CDCA7L: variants seen among roughly 807,000 people sequenced by gnomAD.
CDCA7L encodes the protein cell division cycle-associated 7-like protein.
CDCA7L carries 44 observed loss-of-function variants against 57.4 expected under a neutral mutation model. That is an observed-to-expected ratio of 0.77 (90% confidence interval 0.60 to 0.98). The LOEUF (loss-of-function observed/expected upper bound fraction) is 0.98. Ranked by LOEUF, CDCA7L falls within the 50% of genes least tolerant of loss-of-function variation. CDCA7L has a pLI of 0.00. For missense variants in CDCA7L, 644 were observed against 580.6 expected (o/e 1.11, Z -1.12); for synonymous variants, 236 against 202.8 (o/e 1.16, Z -1.39).
At chr7:21,916,408 C>T (rs187349641) in intron 2 of CDCA7L, among the ~76,000 whole-genome samples, 34 of 151,976 alleles carry the variant, frequency 2.2e-4, no homozygotes, top group African/African-American at 7.7e-4. Flanking sequence ...CCTCATGCCT[C>T]GCCGCAGCCT....
intron 3 of CDCA7L, 86 bp downstream of exon 3, chr7:21,911,531 G>C (rs1014194178): frequency 2.3e-5 from 34 of 1,447,452 alleles, no homozygotes; most frequent in Middle Eastern, 1.8e-4. Context: ...CTTTTCACTT[G>C]TGAAGTGACT....
chr7:21,908,004 G>A, intron 4 of CDCA7L, 126 bp downstream of exon 4: 1 of 962,904 alleles, frequency 1.0e-6, no homozygotes, highest in Non-Finnish European at 1.5e-6. Context: ...ACAATACCCA[G>A]AGTATATTTT....
intron 1 of CDCA7L, among the ~76,000 whole-genome samples, chr7:21,931,789 T>C (rs1234890251): frequency 6.6e-6 from 1 of 152,108 alleles, no homozygotes; most frequent in Non-Finnish European, 1.5e-5. Flanking sequence ...CATGGAATAT[T>C]TTTCCATTTT....
intron 1 of CDCA7L, among the ~76,000 whole-genome samples, chr7:21,917,492 T>C (rs1417994093): frequency 6.6e-6 from 1 of 152,212 alleles, no homozygotes; most frequent in Non-Finnish European, 1.5e-5. Flanking sequence ...GCACACTTAA[T>C]CCACAAATAT....
rs2128053349 is a variant in CDCA7L, at chr7:21,901,060, C to G, written c.*1262G>C. 1 of 1,613,466 alleles carries G rather than the reference C, an allele frequency of 6.2e-7. No individual in the cohort carries two copies. The highest frequency in any genetic ancestry group is 1.3e-5 in the African/African-American group (1 of 75,034). ...CATTGTTGAAGCCCGTCTCAAGGAG[C>G]TGGCATGCCCTATGCCGGTCATCTT... is the stretch of plus-strand genomic sequence containing the variant. On this transcript the variant is annotated 3_prime_UTR_variant, in exon 10 of 10. Transcript: ENST00000406877.
intron 8 of CDCA7L, 130 bp from the exon 9 acceptor site, chr7:21,903,244 G>C (rs773808444): frequency 7.5e-6 from 6 of 805,332 alleles, no homozygotes; most frequent in African/African-American, 3.5e-5. Flanking sequence ...TTCAGTCTAC[G>C]TCCCAGGGGG....
intron 2 of CDCA7L, among the ~76,000 whole-genome samples, chr7:21,916,154 T>A (rs533085061): frequency 6.6e-6 from 1 of 152,304 alleles, no homozygotes; most frequent in Non-Finnish European, 1.5e-5. Flanking sequence ...TGAGGAATTT[T>A]GAGTGCCACA....
chr7:21,900,947 TG>T lies in CDCA7L; in HGVS notation c.*1374del. ...TGTTTATTGCATCAAACAACTTACT[TG>T]ATCATTATCATTAGTAGCAAGCTGC... On this transcript the variant is annotated 3_prime_UTR_variant, in exon 10 of 10. Transcript: ENST00000406877. 5 of 1,247,702 alleles carry T rather than the reference TG, an allele frequency of 4.0e-6. No homozygotes were observed. Among genetic ancestry groups the T allele is most frequent in the Non-Finnish European group, 5.5e-6 (5 of 906,514 alleles). 77.3% of individuals were successfully genotyped at this position (1,247,702 alleles called of 1,614,324 possible).
Position 21,908,230 on chromosome 7 carries a change from T to C in CDCA7L, c.581A>G (p.Asp194Gly), listed in dbSNP as rs560042862. 6.2e-7 allele frequency: 1 copy of C among 1,613,544 alleles called. No homozygotes were observed. The highest frequency in any genetic ancestry group is 1.1e-5 in the South Asian group (1 of 91,050). Residue 194 changes from aspartate (D) to glycine (G), a missense_variant, in exon 4 of 10, where the codon GAT becomes GGT. Physicochemically the swap from Asp to Gly is moderately conservative, Grantham distance 94 (BLOSUM62 -1). Transcript: ENST00000406877. ...KDCRQVIQRE[D>G]STSESEDDSR... The stretch of plus-strand genomic sequence containing the variant: ...GTCATCCTCAGACTCAGAGGTAGAA[T>C]CTTCCCTTTGTATCACCTGTCTACA...
Position 21,906,390 on chromosome 7 carries a change from T to C in CDCA7L, c.820A>G (p.Ser274Gly), listed in dbSNP as rs1295990655. ...QITRRMNPTR[S>G]ARPPEKFALE... ...GCAAACTTCTCAGGAGGCCGCGCACTCCGGGTTGGGTTCATACGCCGCGTG... is the reference window on the plus strand; with the variant it reads ...GCAAACTTCTCAGGAGGCCGCGCACCCCGGGTTGGGTTCATACGCCGCGTG... The change falls in exon 6 of 10, where the codon AGT (serine) becomes GGT (glycine). Residue 274 changes from serine (S) to glycine (G), a missense_variant. Ser to Gly is a moderately conservative substitution (Grantham distance 56, BLOSUM62 0). Transcript: ENST00000406877. The C allele has an allele frequency of 6.2e-7, 1 of 1,613,786 alleles. No homozygotes were observed.
chr7:21,922,348 T>C (rs1462991209), intron 1 of CDCA7L, among the ~76,000 whole-genome samples: 1 of 152,106 alleles, frequency 6.6e-6, no homozygotes, highest in Non-Finnish European at 1.5e-5. Context: ...AGGTCAGCTG[T>C]AGGACAATAT....
chr7:21,937,098 G>C (rs542220945), intron 1 of CDCA7L, among the ~76,000 whole-genome samples: 2 of 151,912 alleles, frequency 1.3e-5, no homozygotes, highest in African/African-American at 4.8e-5. Context: ...CCAAAAAGGC[G>C]AAAAAAGCCT....
chr7:21,929,538 G>C (rs547266572), intron 1 of CDCA7L, among the ~76,000 whole-genome samples: 13 of 149,248 alleles, frequency 8.7e-5, no homozygotes, highest in Middle Eastern at 3.3e-3. Context: ...AAGACCCATC[G>C]GTGTGCTGTA....
chr7:21,908,438 C>G lies in CDCA7L; in HGVS notation c.373G>C (p.Glu125Gln). 1.3e-6 allele frequency: 2 copies of G among 1,574,892 alleles called. No individual in the cohort carries two copies. Residue 125 changes from glutamate to glutamine, a missense_variant, in exon 4 of 10, where the codon GAA (glutamate) becomes CAA (glutamine). By Grantham distance (29) the Glu-to-Gln change is conservative. Coordinates refer to ENST00000406877, the MANE Select transcript of CDCA7L (RefSeq NM_018719.5). ...LVSEEEEDEE[E>Q]DKATPRRSRS... ...CTTCTTCTAGGGGTAGCCTTATCTTCTTCTTCATCTTCCTCTTCCTCGCTC... is the reference window on the plus strand; with the variant it reads ...CTTCTTCTAGGGGTAGCCTTATCTTGTTCTTCATCTTCCTCTTCCTCGCTC...
At position 21,908,124 on chromosome 7, in the gene CDCA7L, C is replaced by A. The variant is rs1039587821; in HGVS notation, c.681+6G>T. 1 of 1,518,452 alleles carries A rather than the reference C, an allele frequency of 6.6e-7. No homozygotes were observed. The highest frequency in any genetic ancestry group is 8.7e-7 in the Non-Finnish European group (1 of 1,144,338). The allele number at this position is 1,518,452 out of a possible 1,614,324, so 94.1% of individuals were successfully genotyped here. On this transcript the variant is annotated splice_donor_region_variant and intron_variant, in intron 4 of 9. Coordinates refer to ENST00000406877, the MANE Select transcript of CDCA7L (RefSeq NM_018719.5). ...AACTCCCAGGACGCCCTCCGTGAAG[C>A]CTCACCATGGCTTTGTTCTCCTTGA... is the stretch of plus-strand genomic sequence containing the variant.
rs373731491 is a variant in CDCA7L at position 21,916,719 on chromosome 7, G to A, written c.165+35C>T. The A allele has an allele frequency of 4.9e-5, 79 of 1,602,460 alleles. No homozygotes were observed. The African/African-American group carries it at 8.6e-4, about 17-fold the overall frequency. On this transcript the variant is annotated intron_variant, in intron 2 of 9. Transcript: ENST00000406877. ...ATCCAAACCAAGATTCAGGCCTCCA[G>A]ATGAACACATCTGCTTGGAAGGAAT...
chr7:21,941,037 G>T (rs1279463711), intron 1 of CDCA7L, among the ~76,000 whole-genome samples: 2 of 152,088 alleles, frequency 1.3e-5, no homozygotes, highest in African/African-American at 2.4e-5. Flanking sequence ...AACAAAAGGG[G>T]AAATGCCCTA....
intron 2 of CDCA7L, among the ~76,000 whole-genome samples, chr7:21,911,984 C>T (rs1583850700): frequency 2.6e-5 from 4 of 151,254 alleles, no homozygotes; most frequent in South Asian, 4.2e-4. Context: ...AAACACTGGC[C>T]GGGTACAGTG....
intron 1 of CDCA7L, among the ~76,000 whole-genome samples, chr7:21,925,947 T>C (rs1785811722): frequency 6.6e-6 from 1 of 152,030 alleles, no homozygotes; most frequent in Non-Finnish European, 1.5e-5. Flanking sequence ...CTTCATATAA[T>C]GGGAGTGACA....
Sources: gnomAD v4.1 joint callset for allele counts (sites outside exome capture counted in the v4.1 genomes callset) on GRCh38, gnomAD v4.1.1 for gene constraint, MANE v1.5 for transcripts, NCBI Gene and HGNC (gene_info 2026-07-23, HGNC 2026-07-21) for gene names.